The following FRMD5 variants were observed in gnomAD, a reference collection of about 807,000 sequenced individuals.
The protein encoded by FRMD5 is FERM domain containing 5, also known as FERM domain-containing protein 5.
In FRMD5, 20 loss-of-function variants were observed where a neutral mutation model predicts 69.0. The observed-to-expected ratio is 0.29, with a 90% CI of 0.20 to 0.42. The LOEUF is 0.42. Ranked by LOEUF, FRMD5 falls within the 10% of genes least tolerant of loss-of-function variation. The pLI is 1.00. For synonymous variants in FRMD5, 271 were observed against 260.1 expected (o/e 1.04, Z -0.40); for missense variants, 595 against 708.6 (o/e 0.84, Z 1.82).
At chr15:44,122,755 T>C (rs1040721844) in intron 1 of FRMD5, among the ~76,000 whole-genome samples, 1 of 151,418 alleles carries the variant, frequency 6.6e-6, no homozygotes, top group Non-Finnish European at 1.5e-5. Flanking sequence ...AAAAACAAAA[T>C]TAGCTAGGCG....
At chr15:44,182,399 G>A (rs183362035) in intron 1 of FRMD5, among the ~76,000 whole-genome samples, 41 of 142,702 alleles carry the variant, frequency 2.9e-4, no homozygotes, top group African/African-American at 4.7e-4. Context: ...GTGCGGTCTC[G>A]GCTCACTGCA....
chr15:44,172,881 G>A (rs2077828838), intron 1 of FRMD5, among the ~76,000 whole-genome samples: 1 of 152,138 alleles, frequency 6.6e-6, no homozygotes, highest in African/African-American at 2.4e-5. Flanking sequence ...ACCAGCTTCA[G>A]CTATCAAAAG....
chr15:44,071,548 A>C (rs961879172), intron 1 of FRMD5, among the ~76,000 whole-genome samples: 1 of 152,240 alleles, frequency 6.6e-6, no homozygotes, highest in Non-Finnish European at 1.5e-5. Flanking sequence ...TTTGGGACTA[A>C]CATTTTACCA....
chr15:44,065,595 G>C (rs1202056397), intron 1 of FRMD5, among the ~76,000 whole-genome samples: 1 of 152,098 alleles, frequency 6.6e-6, no homozygotes, highest in Non-Finnish European at 1.5e-5. Flanking sequence ...TAATATAAAA[G>C]TTTGGGACTG....
At chr15:44,113,324 T>C (rs1595478096) in intron 1 of FRMD5, among the ~76,000 whole-genome samples, 1 of 152,252 alleles carries the variant, frequency 6.6e-6, no homozygotes, top group Non-Finnish European at 1.5e-5. Context: ...CTTGGAAACA[T>C]GGACTTTGAA....
chr15:43,963,962 C>T lies in FRMD5; in HGVS notation c.103-39653G>A, dbSNP rs576912002. 8.6e-5 allele frequency among the ~76,000 whole-genome samples: 13 copies of T among 151,932 alleles called. No individual in the cohort carries two copies. In the South Asian group the frequency reaches 2.5e-3, roughly 29 times the overall value. The stretch of plus-strand genomic sequence containing the variant: ...AGGTGATATACCTAATGCTAAATGA[C>T]GAGTTAATGGGTGCAGCACACCAAC... On this transcript the variant is annotated intron_variant, in intron 1 of 13. Coordinates refer to ENST00000417257, the MANE Select transcript of FRMD5 (RefSeq NM_032892.5).
At chr15:44,076,959 G>A (rs896439392) in intron 1 of FRMD5, among the ~76,000 whole-genome samples, 3 of 151,852 alleles carry the variant, frequency 2.0e-5, no homozygotes, top group Non-Finnish European at 4.4e-5. Flanking sequence ...TCTCAGAAAT[G>A]CCAGATTCAT....
intron 1 of FRMD5, chr15:43,989,166 G>A (rs753739701): frequency 6.4e-5 from 57 of 889,796 alleles, no homozygotes; most frequent in East Asian, 4.6e-4. Context: ...TGGAGCTGCC[G>A]ATCCACACGG....
chr15:44,083,877 GTAAAGCT>G (rs1894089249), intron 1 of FRMD5, among the ~76,000 whole-genome samples: 1 of 152,000 alleles, frequency 6.6e-6, no homozygotes, highest in Non-Finnish European at 1.5e-5. Flanking sequence ...AAGTTTTGTA[GTAAAGCT>G]TGTCATTTGT....
chr15:44,094,147 C>G lies in FRMD5; in HGVS notation c.102+100806G>C, dbSNP rs111668525. Among the ~76,000 whole-genome samples, 1,103 of 152,230 alleles carry G rather than the reference C, an allele frequency of 7.2e-3. 14 individuals carry two copies. Among genetic ancestry groups the G allele is most frequent in the African/African-American group, 0.026 (1,060 of 41,526 alleles). ...TGAGAGTTTGGAATTGAAATCATGACAACAAATCAAGGCAGTGTCTTCATG... is the reference window on the plus strand; with the variant it reads ...TGAGAGTTTGGAATTGAAATCATGAGAACAAATCAAGGCAGTGTCTTCATG... On this transcript the variant is annotated intron_variant, in intron 1 of 13. Transcript: ENST00000417257.
intron 1 of FRMD5, among the ~76,000 whole-genome samples, chr15:44,123,573 TAAATA>T (rs1230464652): frequency 6.6e-6 from 1 of 152,102 alleles, no homozygotes; most frequent in Non-Finnish European, 1.5e-5. Flanking sequence ...TCTGTAGAAT[TAAATA>T]TTTTTTAAAA....
chr15:43,930,970 T>C (rs2089665116), intron 1 of FRMD5, among the ~76,000 whole-genome samples: 1 of 152,246 alleles, frequency 6.6e-6, no homozygotes, highest in African/African-American at 2.4e-5. Context: ...AACCTGCTGT[T>C]GTACAGCTTG....
chr15:44,139,894 G>A (rs930760310), intron 1 of FRMD5, among the ~76,000 whole-genome samples: 2 of 152,106 alleles, frequency 1.3e-5, no homozygotes, highest in Non-Finnish European at 2.9e-5. Flanking sequence ...AACTAGTCAT[G>A]ATGGGAGACT....
At chr15:44,107,430 G>A (rs2623019) in intron 1 of FRMD5, among the ~76,000 whole-genome samples, 125,507 of 152,178 alleles carry the variant, frequency 0.82, 54,533 homozygotes, top group Non-Finnish European at 0.95. Flanking sequence ...GGTAGGAAAT[G>A]TACCACTTTA....
intron 1 of FRMD5, among the ~76,000 whole-genome samples, chr15:44,115,673 C>T (rs2140616368): frequency 6.6e-6 from 1 of 152,210 alleles, no homozygotes; most frequent in Admixed American, 6.5e-5. Flanking sequence ...TTCAAATTTT[C>T]AGTGAAAGCA....
Position 44,195,111 on chromosome 15 carries a change from G to T in FRMD5, c.-57C>A. The stretch of plus-strand genomic sequence containing the variant: ...CGGCGCTGCGGACCCTGGACCAGGC[G>T]TCCCTCAGCCCGGCAGCTCCGCACC... On this transcript the variant is annotated 5_prime_UTR_variant, in exon 1 of 14. Transcript: ENST00000417257. 1.4e-6 allele frequency: 2 copies of T among 1,385,850 alleles called. No individual in the cohort carries two copies. Among genetic ancestry groups the T allele is most frequent in the Non-Finnish European group, 1.9e-6 (2 of 1,043,940 alleles). 85.8% of individuals were successfully genotyped at this position (1,385,850 alleles called of 1,614,324 possible). A position where few individuals can be genotyped will look rare whatever the true frequency, so the allele number is the denominator to read the frequency against.
chr15:43,875,787 T>G, intron 13 of FRMD5: 2 of 591,548 alleles, frequency 3.4e-6, no homozygotes, highest in Non-Finnish European at 3.0e-6. Context: ...TTTCTTGCCT[T>G]TGGTGTCCTG....
intron 1 of FRMD5, among the ~76,000 whole-genome samples, chr15:43,944,484 C>A (rs1475683685): frequency 6.6e-6 from 1 of 151,020 alleles, no homozygotes; most frequent in Non-Finnish European, 1.5e-5. Flanking sequence ...TGCAGTGGCG[C>A]AATCTCTGCT....
intron 10 of FRMD5, among the ~76,000 whole-genome samples, 165 bp downstream of exon 10, chr15:43,888,010 G>A (rs2088703968): frequency 6.6e-6 from 1 of 152,104 alleles, no homozygotes; most frequent in South Asian, 2.1e-4. Flanking sequence ...CCTTTGGTAG[G>A]CAAAGCTCTT....
Sources: allele counts gnomAD v4.1 joint callset (sites outside exome capture counted in the v4.1 genomes callset), GRCh38; gene constraint gnomAD v4.1.1; transcripts MANE v1.5; gene names NCBI Gene and HGNC (gene_info 2026-07-23, HGNC 2026-07-21).